The following TEAD1 variants were observed in gnomAD, a reference collection of about 807,000 sequenced individuals.
TEAD1 encodes transcriptional enhancer factor TEF-1.
In TEAD1, 9 loss-of-function variants were observed where a neutral mutation model predicts 54.9. The observed-to-expected ratio is 0.16, with a 90% CI of 0.10 to 0.29. The LOEUF is 0.29. Among genes scored for constraint, TEAD1 ranks in the 10% least tolerant of loss-of-function variants. The pLI is 1.00. For missense variants in TEAD1, 387 were observed against 535.9 expected, an observed-to-expected ratio of 0.72 and a Z score of 2.74; for synonymous variants, 200 against 187.8, an observed-to-expected ratio of 1.07 and a Z score of -0.53.
intron 2 of TEAD1, among the ~76,000 whole-genome samples, chr11:12,684,226 A>G (rs1401509723): frequency 6.6e-6 from 1 of 152,232 alleles, no homozygotes; most frequent in African/African-American, 2.4e-5. Flanking sequence ...TTATTCATAA[A>G]GTGGAGGAAA....
At chr11:12,767,541 A>G (rs1281190762) in intron 3 of TEAD1, among the ~76,000 whole-genome samples, 1 of 152,098 alleles carries the variant, frequency 6.6e-6, no homozygotes, top group Non-Finnish European at 1.5e-5. Context: ...TGGTAATGAA[A>G]TTTTGTTCGT....
At position 12,930,342 on chromosome 11, in the gene TEAD1, C is replaced by A; in HGVS notation, c.1167+16C>A. 6.2e-7 allele frequency: 1 copy of A among 1,614,014 alleles called. No individual in the cohort carries two copies. Among genetic ancestry groups the A allele is most frequent in the Non-Finnish European group, 8.5e-7 (1 of 1,179,952 alleles). ...AATTTTATTGGTAATGGTTTTGTCT[C>A]TTTCCTCTGTGGGCAGATGCTGCCA... On this transcript the variant is annotated intron_variant, in intron 12 of 12. Coordinates refer to ENST00000527636, the MANE Select transcript of TEAD1 (RefSeq NM_021961.6).
rs1453387034 is a variant in TEAD1 at position 12,795,890 on chromosome 11, A to G, written c.202+31456A>G. Among the ~76,000 whole-genome samples the G allele has an allele frequency of 2.6e-5, 4 of 152,218 alleles. No individual in the cohort carries two copies. The South Asian group carries it at 6.2e-4, about 24-fold the overall frequency. ...AGTGATGGCAGCCTTACCCCACGCC[A>G]TTGAATCAGATCTCTGATGAGGCAC... On this transcript the variant is annotated intron_variant, in intron 3 of 12. Coordinates refer to ENST00000527636, the MANE Select transcript of TEAD1 (RefSeq NM_021961.6).
chr11:12,785,224 G>C (rs1945653567), intron 3 of TEAD1, among the ~76,000 whole-genome samples: 1 of 152,156 alleles, frequency 6.6e-6, no homozygotes, highest in Non-Finnish European at 1.5e-5. Context: ...TAACTTCCCA[G>C]CTGCTCTCTT....
chr11:12,865,118 T>C lies in TEAD1; in HGVS notation c.330+218T>C, dbSNP rs1373953301. 53 of 622,114 alleles carry C rather than the reference T, an allele frequency of 8.5e-5. 1 individual carries two copies. Among genetic ancestry groups the C allele is most frequent in the South Asian group, 8.2e-4 (46 of 56,318 alleles). 38.5% of individuals were successfully genotyped at this position (622,114 alleles called of 1,614,324 possible). The stretch of plus-strand genomic sequence containing the variant: ...GCGTGTGTGTGTTTGCGTGTGTGTG[T>C]GCGTGTGTATGTGTGTGTTCCTAAT... On this transcript the variant is annotated intron_variant, in intron 5 of 12. Coordinates refer to ENST00000527636, the MANE Select transcript of TEAD1 (RefSeq NM_021961.6).
intron 9 of TEAD1, 125 bp from the exon 10 acceptor site, chr11:12,901,815 G>A: frequency 9.4e-7 from 1 of 1,068,720 alleles, no homozygotes; most frequent in Non-Finnish European, 1.4e-6. Context: ...CAAAAGCATT[G>A]ATCCTGGACT....
Position 12,880,390 on chromosome 11 carries a change from A to G in TEAD1, c.465+548A>G, listed in dbSNP as rs184339720. Among the ~76,000 whole-genome samples, 5 of 152,240 alleles carry G rather than the reference A, an allele frequency of 3.3e-5. No homozygotes were observed. In the East Asian group the frequency reaches 9.6e-4, roughly 29 times the overall value. ...GATGAAAAAGCTGAGGTTATTCAGT[A>G]GCAAAACAAGAGTTTGGATAGCTGG... is the stretch of plus-strand genomic sequence containing the variant. On this transcript the variant is annotated intron_variant, in intron 6 of 12. Transcript: ENST00000527636.
At chr11:12,698,386 T>C (rs1943631363) in intron 2 of TEAD1, among the ~76,000 whole-genome samples, 1 of 151,964 alleles carries the variant, frequency 6.6e-6, no homozygotes, top group African/African-American at 2.4e-5. Flanking sequence ...GGTCTGGAGA[T>C]GGTAAAGGAA....
chr11:12,716,790 C>T (rs1944072449), intron 2 of TEAD1, among the ~76,000 whole-genome samples: 1 of 152,228 alleles, frequency 6.6e-6, no homozygotes, highest in Non-Finnish European at 1.5e-5. Context: ...CCTTCATGGG[C>T]CATACAAAAA....
chr11:12,811,211 T>C (rs571525922), intron 3 of TEAD1, among the ~76,000 whole-genome samples: 1 of 152,224 alleles, frequency 6.6e-6, no homozygotes, highest in African/African-American at 2.4e-5. Flanking sequence ...TTTCTTTCGC[T>C]GAAGCTTTCA....
intron 12 of TEAD1, among the ~76,000 whole-genome samples, chr11:12,930,795 A>G (rs1246498261): frequency 2.0e-5 from 3 of 152,216 alleles, no homozygotes; most frequent in Non-Finnish European, 4.4e-5. Flanking sequence ...CTGAGTTGGT[A>G]TGTTTGTACT....
At chr11:12,872,124 G>C (rs1224746351) in intron 5 of TEAD1, among the ~76,000 whole-genome samples, 1 of 152,164 alleles carries the variant, frequency 6.6e-6, no homozygotes, top group Non-Finnish European at 1.5e-5. Context: ...TAATTCTTTT[G>C]AGTTCAAGAA....
At chr11:12,846,355 C>T (rs1947152135) in intron 3 of TEAD1, among the ~76,000 whole-genome samples, 2 of 150,978 alleles carry the variant, frequency 1.3e-5, no homozygotes. Flanking sequence ...AAATAGAGGG[C>T]ATCTTGCTTG....
chr11:12,921,974 T>G (rs185822846), intron 10 of TEAD1, among the ~76,000 whole-genome samples: 18 of 152,292 alleles, frequency 1.2e-4, no homozygotes, highest in African/African-American at 4.3e-4. Flanking sequence ...AAATCCAAAA[T>G]GCAGAATGTG....
chr11:12,936,801 T>G (rs1949108931), intron 12 of TEAD1, among the ~76,000 whole-genome samples: 1 of 152,336 alleles, frequency 6.6e-6, no homozygotes, highest in East Asian at 1.9e-4. Context: ...GAGAATTCTT[T>G]GTTGTAAAGA....
chr11:12,906,709 G>C (rs902024523), intron 10 of TEAD1, among the ~76,000 whole-genome samples: 3 of 152,076 alleles, frequency 2.0e-5, no homozygotes, highest in African/African-American at 7.2e-5. Flanking sequence ...CCCAGCCCCA[G>C]GCAACTGTGG....
intron 3 of TEAD1, among the ~76,000 whole-genome samples, chr11:12,819,878 A>G (rs1391760999): frequency 6.6e-6 from 1 of 152,222 alleles, no homozygotes; most frequent in Non-Finnish European, 1.5e-5. Flanking sequence ...CATGATAAAC[A>G]TAGACTTGGA....
At chr11:12,860,845 G>A (rs1216131662) in intron 3 of TEAD1, among the ~76,000 whole-genome samples, 3 of 152,354 alleles carry the variant, frequency 2.0e-5, no homozygotes, top group African/African-American at 4.8e-5. Flanking sequence ...CCATGGGGGT[G>A]TAGAACAAGG....
intron 3 of TEAD1, among the ~76,000 whole-genome samples, chr11:12,840,844 T>A (rs995556004): frequency 2.0e-5 from 3 of 152,174 alleles, no homozygotes; most frequent in Non-Finnish European, 2.9e-5. Flanking sequence ...GGATATTTGA[T>A]TGCTCTCCAT....
Sources: allele counts gnomAD v4.1 joint callset (sites outside exome capture counted in the v4.1 genomes callset), GRCh38; gene constraint gnomAD v4.1.1; transcripts MANE v1.5; gene names NCBI Gene and HGNC (gene_info 2026-07-23, HGNC 2026-07-21).